Variants in CNDP1 observed in about 807,000 individuals in gnomAD.
CNDP1 encodes the protein beta-Ala-His dipeptidase.
Under a neutral mutation model 58.1 loss-of-function variants are expected in CNDP1, and 44 were observed. The ratio of observed to expected loss-of-function variants is 0.76; its 90% CI spans 0.60 to 0.97. CNDP1 has a LOEUF of 0.97. Among genes scored for constraint, CNDP1 ranks in the 50% least tolerant of loss-of-function variants. The probability of loss-of-function intolerance (pLI) is 0.00; values close to 1 mark genes in which losing one functional copy is unlikely to be tolerated. For missense variants in CNDP1, 616 were observed against 655.1 expected, an observed-to-expected ratio of 0.94 and a Z score of 0.65; for synonymous variants, 254 against 252.6, an observed-to-expected ratio of 1.01 and a Z score of -0.05.
intron 1 of CNDP1, among the ~76,000 whole-genome samples, chr18:74,550,178 G>T (rs1980865766): frequency 6.6e-6 from 1 of 152,196 alleles, no homozygotes; most frequent in African/African-American, 2.4e-5. Context: ...ACCCCAGAAT[G>T]GTAGATCCAC....
chr18:74,555,573 G>A (rs1312077141), intron 1 of CNDP1, among the ~76,000 whole-genome samples: 1 of 152,204 alleles, frequency 6.6e-6, no homozygotes, highest in Non-Finnish European at 1.5e-5. Flanking sequence ...CCTGTCAGGG[G>A]TCAAGGAGGA....
chr18:74,559,812 A>T (rs1455957117), intron 3 of CNDP1, among the ~76,000 whole-genome samples: 1 of 152,092 alleles, frequency 6.6e-6, no homozygotes, highest in Non-Finnish European at 1.5e-5. Context: ...TTTTCTTTAA[A>T]TTCATATGCA....
At chr18:74,584,099 T>C in intron 11 of CNDP1, 1 of 280,152 alleles carries the variant, frequency 3.6e-6, no homozygotes, top group Non-Finnish European at 6.6e-6. Context: ...AACACAGGAC[T>C]TTGAGGAAAC....
At chr18:74,537,992 T>A (rs1980525731) in intron 1 of CNDP1, among the ~76,000 whole-genome samples, 1 of 152,092 alleles carries the variant, frequency 6.6e-6, no homozygotes, top group Admixed American at 6.5e-5. Context: ...CATACTCAGG[T>A]TTTTGTTTTG....
chr18:74,564,994 G>C (rs1234460047), intron 5 of CNDP1, among the ~76,000 whole-genome samples: 1 of 152,154 alleles, frequency 6.6e-6, no homozygotes, highest in East Asian at 1.9e-4. Flanking sequence ...GGTTTAATTG[G>C]ACTTACAGTT....
intron 1 of CNDP1, among the ~76,000 whole-genome samples, chr18:74,541,624 T>A (rs1980626452): frequency 6.6e-6 from 1 of 152,086 alleles, no homozygotes; most frequent in East Asian, 1.9e-4. Flanking sequence ...GCATTGTTGG[T>A]CTCACCATCA....
At chr18:74,537,708 C>G (rs1430250665) in intron 1 of CNDP1, among the ~76,000 whole-genome samples, 20 of 152,188 alleles carry the variant, frequency 1.3e-4, no homozygotes, top group Admixed American at 1.3e-3. Flanking sequence ...TGTGCCTCCT[C>G]TGTGCTCTAG....
chr18:74,569,638 T>C (rs1232756948), intron 6 of CNDP1, among the ~76,000 whole-genome samples: 1 of 152,136 alleles, frequency 6.6e-6, no homozygotes, highest in Non-Finnish European at 1.5e-5. Flanking sequence ...GGTCCACACA[T>C]GTTTGTGTCA....
chr18:74,554,486 C>T (rs565954977), intron 1 of CNDP1, among the ~76,000 whole-genome samples: 232 of 152,292 alleles, frequency 1.5e-3, no homozygotes, highest in Non-Finnish European at 2.7e-3. Flanking sequence ...AACACAGCTC[C>T]CTGTGCACAA....
chr18:74,559,678 T>G (rs1021824563), intron 3 of CNDP1, among the ~76,000 whole-genome samples: 1 of 152,196 alleles, frequency 6.6e-6, no homozygotes, highest in Non-Finnish European at 1.5e-5. Flanking sequence ...GGGGAGGGGT[T>G]GGCTCTTAGA....
At chr18:74,558,392 CTT>C (rs71168498) in intron 2 of CNDP1, among the ~76,000 whole-genome samples, 33 of 114,296 alleles carry the variant, frequency 2.9e-4, no homozygotes, top group African/African-American at 7.9e-4. Context: ...CTTTCTTTTT[CTT>C]TTTTTTTTTT....
chr18:74,571,609 G>A (rs569897079), intron 7 of CNDP1, among the ~76,000 whole-genome samples: 37 of 152,312 alleles, frequency 2.4e-4, no homozygotes, highest in African/African-American at 8.7e-4. Context: ...ATGCCGGGCC[G>A]GGTGGAGGTG....
chr18:74,575,043 G>A (rs1981590715), intron 7 of CNDP1, among the ~76,000 whole-genome samples: 1 of 138,520 alleles, frequency 7.2e-6, no homozygotes, highest in African/African-American at 2.7e-5. Context: ...ATGGAGGGAA[G>A]GAAGGAGAGA....
In CNDP1 at chr18:74,560,975, C is replaced by A; in HGVS notation, c.423C>A (p.Gly141=). The part of the protein sequence containing the change: ...GHLDVQPADR[G]DGWLTDPYVL... ...TGGACGTGCAGCCTGCTGACCGGGG[C>A]GATGGGTGGCTCACGGACCCCTATG... The change falls in exon 4 of 12, where the codon GGC becomes GGA. Residue 141 remains glycine, a synonymous_variant. Coordinates refer to ENST00000358821, the MANE Select transcript of CNDP1 (RefSeq NM_032649.6). 2 of 1,614,118 alleles carry A rather than the reference C, an allele frequency of 1.2e-6. No individual in the cohort carries two copies.
Position 74,567,229 on chromosome 18 carries a change from T to C in CNDP1, c.556-4T>C. 6.2e-7 allele frequency: 1 copy of C among 1,613,614 alleles called. No homozygotes were observed. The highest frequency in any genetic ancestry group is 2.2e-5 in the East Asian group (1 of 44,878). The stretch of plus-strand genomic sequence containing the variant: ...TGCAATTTTTTTCTTCTGTTGTTAC[T>C]TAGGATCTTCCTGTGAATATCAAAT... On this transcript the variant is annotated splice_polypyrimidine_tract_variant and splice_region_variant and intron_variant, in intron 5 of 11. Coordinates refer to ENST00000358821, the MANE Select transcript of CNDP1 (RefSeq NM_032649.6).
At chr18:74,559,590 C>T in intron 3 of CNDP1, 118 bp downstream of exon 3, 1 of 863,720 alleles carries the variant, frequency 1.2e-6, no homozygotes, top group Non-Finnish European at 1.7e-6. Flanking sequence ...CCCATAACCC[C>T]AATTCCCAAT....
rs539964852 is a variant in CNDP1 at position 74,546,509 on chromosome 18, C to T, written c.25-9829C>T. Among the ~76,000 whole-genome samples the T allele has an allele frequency of 9.2e-5, 14 of 152,278 alleles. No homozygotes were observed. In the South Asian group the frequency reaches 2.9e-3, roughly 32 times the overall value. ...GATGCGGTACTGTCTCGTGCCACCCCCCTTAAGGTGCTTGGTAGGTGCCAC... is the reference window on the plus strand; with the variant it reads ...GATGCGGTACTGTCTCGTGCCACCCTCCTTAAGGTGCTTGGTAGGTGCCAC... On this transcript the variant is annotated intron_variant, in intron 1 of 11. Transcript: ENST00000358821.
intron 10 of CNDP1, among the ~76,000 whole-genome samples, chr18:74,582,725 A>G (rs572066713): frequency 6.6e-6 from 1 of 152,348 alleles, no homozygotes; most frequent in South Asian, 2.1e-4. Context: ...GCATACAAGA[A>G]ACTAAGAAGC....
chr18:74,559,229 C>T (rs890006375), intron 2 of CNDP1, 94 bp from the exon 3 acceptor site: 5 of 1,256,268 alleles, frequency 4.0e-6, no homozygotes, highest in Non-Finnish European at 5.8e-6. Context: ...CAGAAAAGTA[C>T]CTGGGGACTC....
Sources: gnomAD v4.1 joint callset for allele counts (sites outside exome capture counted in the v4.1 genomes callset) on GRCh38, gnomAD v4.1.1 for gene constraint, MANE v1.5 for transcripts, NCBI Gene and HGNC (gene_info 2026-07-23, HGNC 2026-07-21) for gene names.